The following PRKD1 variants were observed in gnomAD, a reference collection of about 807,000 sequenced individuals.
PRKD1 encodes the protein serine/threonine-protein kinase D1.
Under a neutral mutation model 95.9 loss-of-function variants are expected in PRKD1, and 63 were observed. That is an observed-to-expected ratio of 0.66 (90% CI 0.54 to 0.81). The LOEUF is 0.81. Among genes scored for constraint, PRKD1 ranks in the 30% least tolerant of loss-of-function variants. The pLI is 0.00. For synonymous variants in PRKD1, 425 were observed against 423.1 expected, an observed-to-expected ratio of 1.00 and a Z score of -0.05; for missense variants, 1,048 against 1,165.3, an observed-to-expected ratio of 0.90 and a Z score of 1.47.
At chr14:29,848,728 T>C (rs1454174110) in intron 1 of PRKD1, among the ~76,000 whole-genome samples, 1 of 151,508 alleles carries the variant, frequency 6.6e-6, no homozygotes, top group Non-Finnish European at 1.5e-5. Context: ...CAAAAATTAA[T>C]TAACAGAAAC....
At chr14:29,585,352 C>T (rs1433797910) in intron 16 of PRKD1, among the ~76,000 whole-genome samples, 1 of 152,146 alleles carries the variant, frequency 6.6e-6, no homozygotes, top group Non-Finnish European at 1.5e-5. Flanking sequence ...AAGTGCAAGA[C>T]CTTTAGAGAC....
chr14:29,708,266 C>T (rs1262120760), intron 2 of PRKD1, among the ~76,000 whole-genome samples: 1 of 152,074 alleles, frequency 6.6e-6, no homozygotes, highest in Non-Finnish European at 1.5e-5. Context: ...AGGGCATTGA[C>T]TATTTAAAGG....
chr14:29,762,656 C>A (rs751939939), intron 1 of PRKD1, among the ~76,000 whole-genome samples: 1 of 152,180 alleles, frequency 6.6e-6, no homozygotes, highest in Non-Finnish European at 1.5e-5. Flanking sequence ...GTCTTAGTGA[C>A]CACTTCTAGA....
intron 2 of PRKD1, among the ~76,000 whole-genome samples, chr14:29,697,631 G>A (rs1442672058): frequency 3.3e-5 from 5 of 151,988 alleles, no homozygotes; most frequent in Non-Finnish European, 5.9e-5. Flanking sequence ...AGGCAATAAT[G>A]TTGTAATATA....
At chr14:29,663,908 G>C (rs779284728) in intron 3 of PRKD1, 49 bp from the exon 4 acceptor site, 2 of 1,561,008 alleles carry the variant, frequency 1.3e-6, no homozygotes, top group East Asian at 2.3e-5. Flanking sequence ...AAATTAAAAA[G>C]TGATTCCAAT....
At chr14:29,781,355 C>A (rs1437375276) in intron 1 of PRKD1, among the ~76,000 whole-genome samples, 1 of 152,118 alleles carries the variant, frequency 6.6e-6, no homozygotes, top group Admixed American at 6.6e-5. Flanking sequence ...CTATAAACAA[C>A]GTCTCAAATT....
At chr14:29,591,293 A>G (rs1893118921) in intron 16 of PRKD1, 1 of 152,180 alleles carries the variant, frequency 6.6e-6, no homozygotes, top group African/African-American at 2.4e-5. Context: ...TGTATATCTG[A>G]TAAAGAAGAT....
chr14:29,673,290 A>G (rs1484649059), intron 2 of PRKD1, among the ~76,000 whole-genome samples: 1 of 152,198 alleles, frequency 6.6e-6, no homozygotes, highest in African/African-American at 2.4e-5. Flanking sequence ...ATTTTATGCC[A>G]TCTACCTCCA....
At chr14:29,755,183 G>A (rs1887642091) in intron 1 of PRKD1, among the ~76,000 whole-genome samples, 1 of 152,088 alleles carries the variant, frequency 6.6e-6, no homozygotes, top group South Asian at 2.1e-4. Flanking sequence ...TTCTGTGTCT[G>A]CTTTTTAAGA....
At chr14:29,702,780 A>T (rs1478215799) in intron 2 of PRKD1, among the ~76,000 whole-genome samples, 1 of 152,182 alleles carries the variant, frequency 6.6e-6, no homozygotes, top group Non-Finnish European at 1.5e-5. Context: ...TTGTACACTA[A>T]TAAATGCATT....
At chr14:29,915,572 G>T (rs1005069633) in intron 1 of PRKD1, among the ~76,000 whole-genome samples, 8 of 152,192 alleles carry the variant, frequency 5.3e-5, no homozygotes, top group East Asian at 1.9e-4. Context: ...GGTGGGAAGT[G>T]GGGGGGAATC....
At chr14:29,685,833 T>C (rs1027573843) in intron 2 of PRKD1, among the ~76,000 whole-genome samples, 1 of 152,046 alleles carries the variant, frequency 6.6e-6, no homozygotes, top group African/African-American at 2.4e-5. Context: ...AAAAAAACAT[T>C]TCTATTTTGG....
At chr14:29,684,719 T>A (rs1004665641) in intron 2 of PRKD1, among the ~76,000 whole-genome samples, 1 of 152,176 alleles carries the variant, frequency 6.6e-6, no homozygotes, top group African/African-American at 2.4e-5. Context: ...CAGGCCTGAA[T>A]GGACAATGAC....
At chr14:29,920,068 A>AGAAG (rs150031213) in intron 1 of PRKD1, among the ~76,000 whole-genome samples, 4 of 96,982 alleles carry the variant, frequency 4.1e-5, no homozygotes, top group East Asian at 3.0e-4. Context: ...AAGGAAGGAA[A>AGAAG]GAAGGAAGGA....
intron 1 of PRKD1, among the ~76,000 whole-genome samples, chr14:29,770,108 C>G (rs1888436170): frequency 6.6e-6 from 1 of 152,196 alleles, no homozygotes; most frequent in African/African-American, 2.4e-5. Context: ...GAGAACAAGC[C>G]TTCACCACAC....
intron 1 of PRKD1, among the ~76,000 whole-genome samples, chr14:29,887,971 AT>A (rs1893789866): frequency 6.6e-6 from 1 of 152,248 alleles, no homozygotes; most frequent in African/African-American, 2.4e-5. Flanking sequence ...CATAATAGAC[AT>A]AAGTCTCATT....
At chr14:29,848,130 G>A (rs1396480429) in intron 1 of PRKD1, among the ~76,000 whole-genome samples, 1 of 152,086 alleles carries the variant, frequency 6.6e-6, no homozygotes, top group Non-Finnish European at 1.5e-5. Context: ...CCTATGGCAG[G>A]CAGCTCTTCT....
chr14:29,710,924 A>T (rs1021860770), intron 2 of PRKD1, among the ~76,000 whole-genome samples: 5 of 152,156 alleles, frequency 3.3e-5, no homozygotes, highest in Admixed American at 1.3e-4. Context: ...AGAAAGATGC[A>T]TTTGTGCTTG....
At chr14:29,743,246 T>C (rs1887060467) in intron 1 of PRKD1, among the ~76,000 whole-genome samples, 1 of 152,172 alleles carries the variant, frequency 6.6e-6, no homozygotes, top group African/African-American at 2.4e-5. Context: ...AAATCTTTAT[T>C]GTATTCTAGA....
Sources: allele counts gnomAD v4.1 joint callset (sites outside exome capture counted in the v4.1 genomes callset), GRCh38; gene constraint gnomAD v4.1.1; transcripts MANE v1.5; gene names NCBI Gene and HGNC (gene_info 2026-07-23, HGNC 2026-07-21).